The following RADX variants were observed in gnomAD, a reference collection of about 807,000 sequenced individuals.
The protein encoded by RADX is RPA1 related single stranded DNA binding protein, X-linked, also known as RPA-related protein RADX.
RADX carries 36 observed loss-of-function variants against 61.6 expected under a neutral mutation model. The ratio of observed to expected loss-of-function variants is 0.58; its 90% CI spans 0.45 to 0.77. The LOEUF (loss-of-function observed/expected upper bound fraction) is 0.77. Ranked by LOEUF, RADX falls within the 30% of genes least tolerant of loss-of-function variation. The probability of loss-of-function intolerance (pLI) is 0.00; values close to 1 mark genes in which losing one functional copy is unlikely to be tolerated. For missense variants in RADX, 497 were observed against 651.1 expected, an observed-to-expected ratio of 0.76 and a Z score of 2.58; for synonymous variants, 272 against 237.9, an observed-to-expected ratio of 1.14 and a Z score of -1.32.
At chrX:106,669,973 T>C (rs766570403) in intron 13 of RADX, among the ~76,000 whole-genome samples, 3 of 112,157 alleles carry the variant, frequency 2.7e-5, no homozygotes, top group East Asian at 2.8e-4. Flanking sequence ...GCAGTTTTCA[T>C]TGAGCTTATC....
intron 10 of RADX, among the ~76,000 whole-genome samples, chrX:106,645,266 A>T (rs1157839132): frequency 9.1e-6 from 1 of 109,512 alleles, no homozygotes; most frequent in African/African-American, 3.3e-5. Flanking sequence ...TTATTTATTT[A>T]TGCTCTGATC....
chrX:106,632,108 G>A (rs1481103279), intron 3 of RADX, among the ~76,000 whole-genome samples: 1 of 111,647 alleles, frequency 9.0e-6, no homozygotes, highest in Non-Finnish European at 1.9e-5. Context: ...ACAACCCTAT[G>A]TATAATAGTA....
At position 106,626,381 on chromosome X, in the gene RADX, G is replaced by C. The variant is rs377165578; in HGVS notation, c.979+1099G>C. 2.7e-5 allele frequency among the ~76,000 whole-genome samples: 3 copies of C among 111,843 alleles called. No homozygotes were observed. The East Asian group carries it at 8.3e-4, about 31-fold the overall frequency. On this transcript the variant is annotated intron_variant, in intron 3 of 13. Coordinates refer to ENST00000372548, the MANE Select transcript of RADX (RefSeq NM_018015.6). ...TTATTAAAATCTTAAGCGTTTTGCA[G>C]ACATTGGTCAGATCTTGCTAGATGA...
At chrX:106,640,490 C>A in intron 9 of RADX, 62 bp from the exon 10 acceptor site, 1 of 839,759 alleles carries the variant, frequency 1.2e-6, no homozygotes. Context: ...AAATTGTAGT[C>A]TTTTATGAGA....
chrX:106,677,658 T>G (rs1482148346), intron 13 of RADX, among the ~76,000 whole-genome samples: 1 of 111,520 alleles, frequency 9.0e-6, no homozygotes, highest in Non-Finnish European at 1.9e-5. Context: ...TATACACATA[T>G]GTATACATAT....
At chrX:106,665,796 T>C (rs1211101901) in intron 12 of RADX, among the ~76,000 whole-genome samples, 1 of 112,236 alleles carries the variant, frequency 8.9e-6, no homozygotes, top group Non-Finnish European at 1.9e-5. Context: ...ACTCTGTTAC[T>C]TGGTCATTAC....
intron 11 of RADX, among the ~76,000 whole-genome samples, chrX:106,658,570 G>T (rs1928006542): frequency 8.9e-6 from 1 of 111,917 alleles, no homozygotes. Context: ...AAAATTAAAA[G>T]CTAAATGTTA....
chrX:106,674,035 T>TG (rs1397146403), intron 13 of RADX, among the ~76,000 whole-genome samples: 1 of 109,821 alleles, frequency 9.1e-6, no homozygotes, highest in East Asian at 2.9e-4. Flanking sequence ...TGCACCGGGG[T>TG]GGGGGGTGGT....
At chrX:106,673,037 C>T (rs1235218338) in intron 13 of RADX, among the ~76,000 whole-genome samples, 1 of 111,560 alleles carries the variant, frequency 9.0e-6, no homozygotes, top group African/African-American at 3.3e-5. Flanking sequence ...GTGGGCTCCC[C>T]TCTGGCCCAG....
chrX:106,675,878 G>C (rs765001800), intron 13 of RADX, among the ~76,000 whole-genome samples: 1 of 111,346 alleles, frequency 9.0e-6, no homozygotes, highest in South Asian at 3.8e-4. Context: ...TATTTAATGA[G>C]TGTTTGCTGT....
chrX:106,618,237 T>G (rs979166858), intron 1 of RADX, among the ~76,000 whole-genome samples: 2 of 110,941 alleles, frequency 1.8e-5, no homozygotes, highest in African/African-American at 3.3e-5. Context: ...AGTTTTGTCG[T>G]TTTTTTTAAT....
chrX:106,665,911 C>T (rs1928218475), intron 12 of RADX, among the ~76,000 whole-genome samples: 2 of 111,340 alleles, frequency 1.8e-5, no homozygotes, highest in East Asian at 2.8e-4. Flanking sequence ...AGCTTGGTAC[C>T]ATGGCAATGT....
intron 3 of RADX, among the ~76,000 whole-genome samples, chrX:106,628,591 TG>T (rs1569423766): frequency 9.0e-6 from 1 of 110,955 alleles, no homozygotes. Flanking sequence ...TCATTTATCT[TG>T]GTTTATTTTT....
intron 1 of RADX, among the ~76,000 whole-genome samples, chrX:106,619,010 T>G (rs989162225): frequency 7.2e-5 from 8 of 111,558 alleles, no homozygotes; most frequent in African/African-American, 2.6e-4. Context: ...AATTCTACTT[T>G]ATGTTTACCA....
chrX:106,639,943 G>A, intron 9 of RADX: 1 of 172,134 alleles, frequency 5.8e-6, no homozygotes, highest in Non-Finnish European at 1.1e-5. Context: ...TTATTTGGGG[G>A]CAGACTAGGC....
intron 12 of RADX, among the ~76,000 whole-genome samples, chrX:106,663,538 C>T (rs977835364): frequency 3.6e-5 from 4 of 111,352 alleles, no homozygotes; most frequent in Non-Finnish European, 5.7e-5. Flanking sequence ...AGAAATAATG[C>T]GTAAGACCTA....
At chrX:106,661,300 C>A (rs1928084555) in intron 11 of RADX, among the ~76,000 whole-genome samples, 1 of 110,045 alleles carries the variant, frequency 9.1e-6, no homozygotes, top group African/African-American at 3.3e-5. Context: ...TTTTTGTTTT[C>A]CATAAAGGAG....
Position 106,622,722 on chromosome X carries a change from G to C in RADX, c.715G>C (p.Val239Leu). 8.3e-7 allele frequency: 1 copy of C among 1,199,827 alleles called. No homozygotes were observed. The highest frequency in any genetic ancestry group is 1.1e-6 in the Non-Finnish European group (1 of 889,598). ...TNRRNFPALLVRILHKSKLRY... is the reference protein window; with the variant it reads ...TNRRNFPALLLRILHKSKLRY... ...CAGAAGAAATTTTCCTGCATTGCTTGTGAGGATCTTACATAAATCAAAACT... is the reference window on the plus strand; with the variant it reads ...CAGAAGAAATTTTCCTGCATTGCTTCTGAGGATCTTACATAAATCAAAACT... Residue 239 changes from valine (V) to leucine (L), a missense_variant, in exon 2 of 14, where the codon GTG (valine) becomes CTG (leucine). Physicochemically the swap from Val to Leu is conservative, Grantham distance 32 (BLOSUM62 1). Coordinates refer to ENST00000372548, the MANE Select transcript of RADX (RefSeq NM_018015.6).
chrX:106,630,348 A>AC lies in RADX; in HGVS notation c.980-2277_980-2276insC, dbSNP rs200703489. ...CAACTACAAAAAAACAAACAAACAA[A>AC]AAAAAAAAAAAACACCTAATAATGG... On this transcript the variant is annotated intron_variant, in intron 3 of 13. Transcript: ENST00000372548. Among the ~76,000 whole-genome samples the AC allele has an allele frequency of 1.8e-3, 194 of 107,373 alleles. 2 individuals are homozygous for AC. The highest frequency in any genetic ancestry group is 5.5e-3 in the African/African-American group (161 of 29,120). 93.2% of individuals were successfully genotyped at this position (107,373 alleles called of 115,157 possible). A position where few individuals can be genotyped will look rare whatever the true frequency, so the allele number is the denominator to read the frequency against.
Sources: gnomAD v4.1 joint callset for allele counts (sites outside exome capture counted in the v4.1 genomes callset) on GRCh38, gnomAD v4.1.1 for gene constraint, MANE v1.5 for transcripts, NCBI Gene and HGNC (gene_info 2026-07-23, HGNC 2026-07-21) for gene names.